The following TSGA10 variants were observed in gnomAD, a reference collection of about 807,000 sequenced individuals.
TSGA10 encodes the protein testis-specific gene 10 protein.
TSGA10 carries 43 observed loss-of-function variants against 96.6 expected under a neutral mutation model. The observed-to-expected ratio is 0.44, with a 90% CI of 0.35 to 0.57. The LOEUF is 0.57. TSGA10 is among the 20% of genes least tolerant of loss of function. TSGA10 has a pLI of 0.01. For missense variants in TSGA10, 703 were observed against 834.4 expected (o/e 0.84, Z 1.94); for synonymous variants, 229 against 269.9 (o/e 0.85, Z 1.48).
At chr2:99,098,211 G>A (rs979841892) in intron 10 of TSGA10, among the ~76,000 whole-genome samples, 11 of 152,068 alleles carry the variant, frequency 7.2e-5, no homozygotes, top group Non-Finnish European at 1.6e-4. Context: ...GCTGAGGTGG[G>A]TGGATCACGA....
At chr2:99,001,177 G>A in intron 20 of TSGA10, among the ~76,000 whole-genome samples, 1 of 152,300 alleles carries the variant, frequency 6.6e-6, no homozygotes, top group South Asian at 2.1e-4. Flanking sequence ...CTCCTCAAGT[G>A]AGTCCCTGAC....
At chr2:99,033,854 C>T (rs1207995997) in intron 17 of TSGA10, among the ~76,000 whole-genome samples, 1 of 151,878 alleles carries the variant, frequency 6.6e-6, no homozygotes, top group Non-Finnish European at 1.5e-5. Context: ...ACAAAAAAAG[C>T]CAAACTGGAA....
chr2:99,141,119 G>A (rs1398764794), intron 1 of TSGA10: 7 of 1,284,028 alleles, frequency 5.5e-6, no homozygotes, highest in Non-Finnish European at 7.1e-6. Context: ...TCCTCGGCCC[G>A]CCGTCCTGCC....
intron 1 of TSGA10, chr2:99,150,926 C>A: frequency 1.3e-6 from 1 of 770,276 alleles, no homozygotes; most frequent in Non-Finnish European, 2.1e-6. Context: ...GAAACCCTGA[C>A]AAAATGATGG....
At chr2:99,121,830 A>G (rs1326524742) in intron 2 of TSGA10, among the ~76,000 whole-genome samples, 3 of 152,188 alleles carry the variant, frequency 2.0e-5, no homozygotes, top group Non-Finnish European at 4.4e-5. Context: ...TGCTTTTGGT[A>G]TCATATCTAA....
intron 20 of TSGA10, among the ~76,000 whole-genome samples, chr2:99,012,730 G>A (rs2104887494): frequency 6.6e-6 from 1 of 152,260 alleles, no homozygotes; most frequent in Admixed American, 6.5e-5. Context: ...CACAATAATA[G>A]TGGGAGACTT....
rs1558816084 is a variant in TSGA10, at chr2:99,042,039, C to CCTT, written c.1405-6601_1405-6600insAAG. On this transcript the variant is annotated intron_variant, in intron 16 of 20. Transcript: ENST00000393483. Reference sequence around the variant, plus strand: ...ACATGAATAGACAATTGCCCCCCCACATTTTTTTTTTTTTTTTTTTTGAGA... The same window carrying CCTT: ...ACATGAATAGACAATTGCCCCCCCACCTTATTTTTTTTTTTTTTTTTTTTGAGA... Among the ~76,000 whole-genome samples the CCTT allele has an allele frequency of 8.6e-5, 12 of 140,106 alleles. 1 individual carries two copies. The highest frequency in any genetic ancestry group is 1.1e-4 in the African/African-American group (4 of 35,664). The allele number at this position is 140,106 out of a possible 152,430, so 91.9% of individuals were successfully genotyped here. A position where few individuals can be genotyped will look rare whatever the true frequency, so the allele number is the denominator to read the frequency against.
At chr2:99,017,369 T>G (rs1281512853) in intron 20 of TSGA10, among the ~76,000 whole-genome samples, 2 of 151,834 alleles carry the variant, frequency 1.3e-5, no homozygotes, top group African/African-American at 2.4e-5. Flanking sequence ...CTGGATGGAG[T>G]TGGAGACCAT....
intron 3 of TSGA10, among the ~76,000 whole-genome samples, chr2:99,117,990 AGTTT>A (rs952075399): frequency 1.3e-5 from 2 of 152,184 alleles, no homozygotes; most frequent in African/African-American, 2.4e-5. Context: ...GACAATTTAT[AGTTT>A]ATTTTAAAAA....
chr2:99,124,595 A>AT (rs1040588865), intron 2 of TSGA10, among the ~76,000 whole-genome samples: 2 of 151,616 alleles, frequency 1.3e-5, no homozygotes, highest in African/African-American at 4.9e-5. Flanking sequence ...ATATATATAT[A>AT]TTTTTTTGAG....
At chr2:99,043,541 A>C (rs998849576) in intron 16 of TSGA10, among the ~76,000 whole-genome samples, 3 of 152,006 alleles carry the variant, frequency 2.0e-5, no homozygotes, top group Non-Finnish European at 2.9e-5. Flanking sequence ...AGCATGCTAA[A>C]TAAGCAAGTA....
At chr2:99,132,543 C>A (rs2093141436) in intron 1 of TSGA10, among the ~76,000 whole-genome samples, 1 of 151,980 alleles carries the variant, frequency 6.6e-6, no homozygotes, top group Non-Finnish European at 1.5e-5. Flanking sequence ...TTTTGTTTAT[C>A]TATTCAAAAA....
chr2:99,042,285 T>C (rs1351843213), intron 16 of TSGA10, among the ~76,000 whole-genome samples: 2 of 152,198 alleles, frequency 1.3e-5, no homozygotes, highest in Admixed American at 1.3e-4. Context: ...GCAGGTCTTA[T>C]GTGGTACCAC....
intron 10 of TSGA10, among the ~76,000 whole-genome samples, chr2:99,098,129 A>G (rs2090267436): frequency 6.6e-6 from 1 of 152,156 alleles, no homozygotes; most frequent in African/African-American, 2.4e-5. Context: ...TTAAAGCTTT[A>G]CATGTTTCTA....
intron 20 of TSGA10, among the ~76,000 whole-genome samples, chr2:99,015,973 G>A (rs2079481616): frequency 6.6e-6 from 1 of 152,030 alleles, no homozygotes; most frequent in African/African-American, 2.4e-5. Context: ...AATTCTACAA[G>A]GAAAACTACA....
chr2:99,058,093 G>GA (rs1297724646), intron 16 of TSGA10, among the ~76,000 whole-genome samples: 2 of 151,960 alleles, frequency 1.3e-5, no homozygotes, highest in East Asian at 1.9e-4. Context: ...CATACCATGT[G>GA]AAAAAAAATG....
At chr2:99,029,787 T>C (rs1264619074) in intron 17 of TSGA10, among the ~76,000 whole-genome samples, 1 of 152,204 alleles carries the variant, frequency 6.6e-6, no homozygotes, top group Non-Finnish European at 1.5e-5. Context: ...CAGATAACAC[T>C]AGTGGTGAAA....
intron 17 of TSGA10, among the ~76,000 whole-genome samples, chr2:99,021,832 G>C (rs758920994): frequency 6.6e-6 from 1 of 152,132 alleles, no homozygotes; most frequent in East Asian, 1.9e-4. Context: ...TCGCAAATTT[G>C]TTAGTTTGTG....
At chr2:99,108,735 A>C in intron 7 of TSGA10, 98 bp downstream of exon 7, 2 of 799,744 alleles carry the variant, frequency 2.5e-6, no homozygotes, top group African/African-American at 1.8e-5. Context: ...GATTAACTTG[A>C]TTTGCAGGTT....
Sources: allele counts gnomAD v4.1 joint callset (sites outside exome capture counted in the v4.1 genomes callset), GRCh38; gene constraint gnomAD v4.1.1; transcripts MANE v1.5; gene names NCBI Gene and HGNC (gene_info 2026-07-23, HGNC 2026-07-21).